Variants in PRPS2 observed in about 807,000 individuals in gnomAD.
PRPS2 encodes the protein ribose-phosphate pyrophosphokinase 2.
For synonymous variants in PRPS2, 111 were observed against 115.3 expected, an observed-to-expected ratio of 0.96 and a Z score of 0.24; for missense variants, 104 against 271.5, an observed-to-expected ratio of 0.38 and a Z score of 4.34.
intron 4 of PRPS2, 32 bp downstream of exon 4, chrX:12,810,178 C>G: frequency 8.3e-7 from 1 of 1,203,365 alleles, no homozygotes; most frequent in Non-Finnish European, 1.1e-6. Context: ...GCAGATTTCT[C>G]CATCTGCTGA....
chrX:12,808,848 C>T (rs774444004), intron 2 of PRPS2, among the ~76,000 whole-genome samples: 39 of 111,395 alleles, frequency 3.5e-4, no homozygotes, highest in Admixed American at 6.7e-4. Context: ...TCAGAGGGAC[C>T]GCTAATAATG....
chrX:12,801,221 CGTGTGTGTGT>C (rs72506508), intron 2 of PRPS2, among the ~76,000 whole-genome samples: 5 of 93,389 alleles, frequency 5.4e-5, no homozygotes, highest in East Asian at 3.6e-4. Context: ...TGCGTGCGCA[CGTGTGTGTGT>C]GTGTGTGTGT....
chrX:12,804,994 A>AT (rs1227753729), intron 2 of PRPS2, among the ~76,000 whole-genome samples: 1 of 112,026 alleles, frequency 8.9e-6, no homozygotes, highest in Non-Finnish European at 1.9e-5. Flanking sequence ...TTTTAACCAG[A>AT]TTCAAAGCTG....
chrX:12,808,701 C>T (rs760740838), intron 2 of PRPS2, among the ~76,000 whole-genome samples: 2 of 112,243 alleles, frequency 1.8e-5, no homozygotes, highest in African/African-American at 6.5e-5. Flanking sequence ...TCATGAATTC[C>T]TCTTTAATAG....
At chrX:12,807,086 G>A (rs2042597338) in intron 2 of PRPS2, among the ~76,000 whole-genome samples, 1 of 49,217 alleles carries the variant, frequency 2.0e-5, no homozygotes, top group African/African-American at 1.0e-4. Flanking sequence ...TTGAACGTGT[G>A]TCCTGGGAGG....
chrX:12,819,230 A>G (rs2042664045), intron 4 of PRPS2, among the ~76,000 whole-genome samples: 1 of 112,703 alleles, frequency 8.9e-6, no homozygotes, highest in African/African-American at 3.2e-5. Flanking sequence ...ACAAATACTA[A>G]CAAACTGAAT....
At chrX:12,804,833 G>A (rs1294795119) in intron 2 of PRPS2, among the ~76,000 whole-genome samples, 1 of 111,619 alleles carries the variant, frequency 9.0e-6, no homozygotes. Context: ...GCCGCAGGAG[G>A]AGCTCTGGGC....
intron 4 of PRPS2, among the ~76,000 whole-genome samples, chrX:12,810,756 G>A (rs954833235): frequency 6.4e-5 from 7 of 109,583 alleles, no homozygotes; most frequent in South Asian, 3.9e-4. Flanking sequence ...AAGCCGAGGC[G>A]GGAGAATCAC....
intron 2 of PRPS2, among the ~76,000 whole-genome samples, chrX:12,800,034 G>A (rs113895310): frequency 0.025 from 2,803 of 112,302 alleles, 78 homozygotes; most frequent in African/African-American, 0.086. Flanking sequence ...GTTGGTCTTT[G>A]CCTTTCAGAG....
chrX:12,810,755 C>T (rs1030812456), intron 4 of PRPS2, among the ~76,000 whole-genome samples: 27 of 109,027 alleles, frequency 2.5e-4, no homozygotes, highest in Non-Finnish European at 3.2e-4. Flanking sequence ...GAAGCCGAGG[C>T]GGGAGAATCA....
intron 2 of PRPS2, among the ~76,000 whole-genome samples, chrX:12,801,695 G>A (rs935367454): frequency 1.8e-5 from 2 of 112,354 alleles, no homozygotes; most frequent in Non-Finnish European, 1.9e-5. Context: ...TGCAACCTCC[G>A]CCTCCCAGGC....
At chrX:12,801,469 G>C (rs2042570327) in intron 2 of PRPS2, among the ~76,000 whole-genome samples, 1 of 112,146 alleles carries the variant, frequency 8.9e-6, no homozygotes, top group South Asian at 3.7e-4. Flanking sequence ...CTTCCCATCT[G>C]TGTGTTTCCA....
rs1322943349 is a variant in PRPS2 at position 12,810,108 on chromosome X, C to T, written c.492C>T (p.Asn164=). 3 of 1,210,870 alleles carry T rather than the reference C, an allele frequency of 2.5e-6. No homozygotes were observed. The highest frequency in any genetic ancestry group is 2.2e-6 in the Non-Finnish European group (2 of 895,413). The change falls in exon 4 of 7, where the codon AAC becomes AAT. Residue 164 remains asparagine, a synonymous_variant. Coordinates refer to ENST00000380668, the MANE Select transcript of PRPS2 (RefSeq NM_002765.5). ...GGGAAAACATTGCCGAGTGGAAGAA[C>T]TGTATCATTGTTTCACCTGACGCAG... The part of the protein sequence containing the change: ...WIRENIAEWK[N]CIIVSPDAGG...
Position 12,816,395 on chromosome X carries a change from C to T in PRPS2, c.531-3112C>T, listed in dbSNP as rs775482439. Among the ~76,000 whole-genome samples the T allele has an allele frequency of 1.1e-4, 12 of 111,327 alleles. No homozygotes were observed. The East Asian group carries it at 1.4e-3, about 13-fold the overall frequency. On this transcript the variant is annotated intron_variant, in intron 4 of 6. Transcript: ENST00000380668. ...CAGCTCACTGCAGCCCCCGATCTCC[C>T]AGGCTCAAGTAATCCTGCCACCTTA... is the stretch of plus-strand genomic sequence containing the variant.
chrX:12,817,164 TC>T (rs1034113286), intron 4 of PRPS2, among the ~76,000 whole-genome samples: 3 of 110,803 alleles, frequency 2.7e-5, no homozygotes, highest in African/African-American at 9.9e-5. Context: ...GTCCTGTGTT[TC>T]CTACGGAAAT....
Position 12,823,412 on chromosome X carries a change from T to C in PRPS2, c.*616T>C, listed in dbSNP as rs1048286893. ...ATTTTATTTAGCTTAATATGGACAC[T>C]GACACATTTTGGGGGGTATACATTA... is the stretch of plus-strand genomic sequence containing the variant. On this transcript the variant is annotated 3_prime_UTR_variant, in exon 7 of 7. Transcript: ENST00000380668. 1.9e-5 allele frequency: 2 copies of C among 107,470 alleles called. No individual in the cohort carries two copies. The highest frequency in any genetic ancestry group is 3.4e-5 in the African/African-American group (1 of 29,235). The allele number at this position is 107,470 out of a possible 1,213,427, so 8.9% of individuals were successfully genotyped here. A position where few individuals can be genotyped will look rare whatever the true frequency, so the allele number is the denominator to read the frequency against.
chrX:12,816,562 C>T (rs766649832), intron 4 of PRPS2, among the ~76,000 whole-genome samples: 1 of 111,922 alleles, frequency 8.9e-6, no homozygotes, highest in Non-Finnish European at 1.9e-5. Flanking sequence ...CTCGGCCTCC[C>T]AAAATGCTGG....
intron 2 of PRPS2, among the ~76,000 whole-genome samples, chrX:12,807,677 G>A (rs1311509780): frequency 9.0e-6 from 1 of 111,127 alleles, no homozygotes; most frequent in Non-Finnish European, 1.9e-5. Flanking sequence ...AGGCAACATG[G>A]AATATAGTAC....
At chrX:12,807,412 C>G (rs2042599179) in intron 2 of PRPS2, among the ~76,000 whole-genome samples, 2 of 112,484 alleles carry the variant, frequency 1.8e-5, no homozygotes, top group African/African-American at 6.5e-5. Flanking sequence ...ACTGATTCGA[C>G]AATTGTAGGA....
Sources: allele counts gnomAD v4.1 joint callset (sites outside exome capture counted in the v4.1 genomes callset), GRCh38; gene constraint gnomAD v4.1.1; transcripts MANE v1.5; gene names NCBI Gene and HGNC (gene_info 2026-07-23, HGNC 2026-07-21).